CYP51A1: variants seen among roughly 807,000 people sequenced by gnomAD.
CYP51A1 encodes lanosterol 14-alpha demethylase.
In CYP51A1, 45 loss-of-function variants were observed where a neutral mutation model predicts 53.5. The observed-to-expected ratio is 0.84, with a 90% CI of 0.66 to 1.08. The LOEUF is 1.08. Ranked by LOEUF, CYP51A1 falls within the 50% of genes least tolerant of loss-of-function variation. CYP51A1 has a pLI of 0.00. For synonymous variants in CYP51A1, 181 were observed against 217.7 expected (o/e 0.83, Z 1.48); for missense variants, 462 against 621.7 (o/e 0.74, Z 2.73).
At chr7:92,133,255 A>G (rs1415631131) in intron 1 of CYP51A1, among the ~76,000 whole-genome samples, 10 of 130,634 alleles carry the variant, frequency 7.7e-5, no homozygotes, top group Admixed American at 7.5e-4. Flanking sequence ...ATTGAAGAAA[A>G]TGATTTTTTT....
intron 7 of CYP51A1, among the ~76,000 whole-genome samples, chr7:92,119,256 T>G (rs943287850): frequency 5.3e-5 from 8 of 152,150 alleles, no homozygotes; most frequent in Admixed American, 2.6e-4. Flanking sequence ...ACAGGAGACT[T>G]TGAAAAGTTC....
At chr7:92,133,894 C>G (rs539830526) in intron 1 of CYP51A1, among the ~76,000 whole-genome samples, 7 of 152,204 alleles carry the variant, frequency 4.6e-5, no homozygotes, top group Admixed American at 4.6e-4. Flanking sequence ...ACCACGACCC[C>G]GTCTAGGATC....
At position 92,131,837 on chromosome 7, in the gene CYP51A1, G is replaced by T; in HGVS notation, c.228C>A (p.Phe76Leu). 1 of 1,599,516 alleles carries T rather than the reference G, an allele frequency of 6.3e-7. No homozygotes were observed. Among genetic ancestry groups the T allele is most frequent in the Non-Finnish European group, 8.6e-7 (1 of 1,169,110 alleles). ...SPPYIFSPIP[F>L]LGHAIAFGKS... Reference sequence around the variant, plus strand: ...TCCCAAATGCTATGGCATGCCCAAGGAATGGAATTGGGGAGAAAATGTATG... The same window carrying T: ...TCCCAAATGCTATGGCATGCCCAAGTAATGGAATTGGGGAGAAAATGTATG... Residue 76 changes from phenylalanine (F) to leucine (L), a missense_variant, in exon 2 of 10, where the codon TTC becomes TTA. By Grantham distance (22) the Phe-to-Leu change is conservative (BLOSUM62 0). Transcript: ENST00000003100.
rs2130953382 is a variant in CYP51A1 at position 92,127,592 on chromosome 7, T to C, written c.508A>G (p.Asn170Asp). 6.2e-7 allele frequency: 1 copy of C among 1,613,456 alleles called. No homozygotes were observed. The highest frequency in any genetic ancestry group is 1.1e-5 in the South Asian group (1 of 90,982). Reference protein sequence around the residue: ...EQKKMLKSGLNIAHFKQHVSI... With the variant: ...EQKKMLKSGLDIAHFKQHVSI... ...ACATGCTGTTTAAAGTGGGCTATGT[T>C]AAGGCCACTTTTTAACATTTTCTTC... Residue 170 changes from asparagine (N) to aspartate (D), a missense_variant, in exon 4 of 10, where the codon AAC becomes GAC. Asn to Asp is a conservative substitution (Grantham distance 23). Coordinates refer to ENST00000003100, the MANE Select transcript of CYP51A1 (RefSeq NM_000786.4).
intron 1 of CYP51A1, among the ~76,000 whole-genome samples, chr7:92,132,115 A>G (rs1819934833): frequency 6.6e-6 from 1 of 152,222 alleles, no homozygotes; most frequent in Admixed American, 6.5e-5. Context: ...CCAGATAAAC[A>G]CTAAGGCACT....
At chr7:92,129,268 TTTA>T (rs1459101358) in intron 2 of CYP51A1, among the ~76,000 whole-genome samples, 1 of 152,214 alleles carries the variant, frequency 6.6e-6, no homozygotes, top group Non-Finnish European at 1.5e-5. Flanking sequence ...AATATAACTG[TTTA>T]TTATGCTTTT....
intron 1 of CYP51A1, 24 bp downstream of exon 1, chr7:92,134,149 T>C (rs1486049226): frequency 6.2e-7 from 1 of 1,608,630 alleles, no homozygotes; most frequent in East Asian, 2.2e-5. Context: ...CGCGCCCCAC[T>C]CAGACCCTAA....
chr7:92,115,632 G>C (rs867925115), intron 9 of CYP51A1, among the ~76,000 whole-genome samples: 1 of 152,080 alleles, frequency 6.6e-6, no homozygotes, highest in African/African-American at 2.4e-5. Flanking sequence ...CACCCATATT[G>C]TAATTAGTTA....
At chr7:92,114,096 G>A (rs567515633) in intron 9 of CYP51A1, among the ~76,000 whole-genome samples, 1 of 152,168 alleles carries the variant, frequency 6.6e-6, no homozygotes, top group East Asian at 1.9e-4. Flanking sequence ...ATATATCTGG[G>A]TTAAATATAT....
Position 92,129,059 on chromosome 7 carries a change from A to T in CYP51A1, c.292-3T>A. ...GTAAAACTAAATACAGGTCCATACT[A>T]AAAAGAGAAAAGTACATATAGTGAT... On this transcript the variant is annotated splice_polypyrimidine_tract_variant and splice_region_variant and intron_variant, in intron 2 of 9. Transcript: ENST00000003100. The T allele has an allele frequency of 6.2e-7, 1 of 1,602,606 alleles. No homozygotes were observed. The highest frequency in any genetic ancestry group is 1.1e-5 in the South Asian group (1 of 89,466).
chr7:92,131,737 T>TTG (rs569508061), intron 2 of CYP51A1, 37 bp downstream of exon 2: 13 of 522,968 alleles, frequency 2.5e-5, no homozygotes, highest in African/African-American at 4.6e-5. Flanking sequence ...TCTCTAGTTG[T>TTG]TTTTTTTTTT....
At chr7:92,116,400 A>G (rs1310042556) in intron 9 of CYP51A1, among the ~76,000 whole-genome samples, 1 of 152,260 alleles carries the variant, frequency 6.6e-6, no homozygotes, top group Admixed American at 6.5e-5. Context: ...AGTGTGACCA[A>G]TGACAAGTCA....
intron 2 of CYP51A1, 26 bp from the exon 3 acceptor site, chr7:92,129,082 G>GTTGC: frequency 6.7e-7 from 1 of 1,492,680 alleles, no homozygotes; most frequent in Non-Finnish European, 9.1e-7. Flanking sequence ...TACATATAGT[G>GTTGC]ATGTTACAAA....
intron 7 of CYP51A1, among the ~76,000 whole-genome samples, chr7:92,120,225 C>G (rs1819663336): frequency 1.3e-5 from 2 of 152,186 alleles, no homozygotes; most frequent in Admixed American, 6.5e-5. Flanking sequence ...TGTCAAAAAT[C>G]TCAGCTAGCT....
At chr7:92,132,046 C>A in intron 1 of CYP51A1, 174 bp from the exon 2 acceptor site, 1 of 521,488 alleles carries the variant, frequency 1.9e-6, no homozygotes, top group Non-Finnish European at 3.5e-6. Flanking sequence ...GCAAATACCT[C>A]AAGAGAGTAG....
intron 8 of CYP51A1, among the ~76,000 whole-genome samples, chr7:92,118,280 A>G (rs1356481770): frequency 6.6e-6 from 1 of 152,120 alleles, no homozygotes; most frequent in Non-Finnish European, 1.5e-5. Flanking sequence ...CAGCCTCCCA[A>G]GCAGCTGGGA....
At chr7:92,121,218 G>T (rs1332381475) in intron 7 of CYP51A1, among the ~76,000 whole-genome samples, 2 of 151,554 alleles carry the variant, frequency 1.3e-5, no homozygotes, top group Admixed American at 6.6e-5. Context: ...GGAAGCCGAG[G>T]TTGCAGTAAG....
intron 5 of CYP51A1, among the ~76,000 whole-genome samples, 178 bp from the exon 6 acceptor site, chr7:92,124,031 A>G (rs1019459339): frequency 4.0e-4 from 61 of 152,188 alleles, no homozygotes; most frequent in Non-Finnish European, 6.0e-4. Flanking sequence ...AAAATCTTAC[A>G]TTGTTAAAAA....
chr7:92,131,732 AGTT>A (rs1819923869), intron 2 of CYP51A1, 39 bp downstream of exon 2: 8 of 990,048 alleles, frequency 8.1e-6, no homozygotes, highest in African/African-American at 2.0e-5. Flanking sequence ...GCACTTCTCT[AGTT>A]GTTTTTTTTT....
Sources: allele counts gnomAD v4.1 joint callset (sites outside exome capture counted in the v4.1 genomes callset), GRCh38; gene constraint gnomAD v4.1.1; transcripts MANE v1.5; gene names NCBI Gene and HGNC (gene_info 2026-07-23, HGNC 2026-07-21).